AOPEP: variants seen among roughly 807,000 people sequenced by gnomAD.
AOPEP encodes the protein aminopeptidase O.
Under a neutral mutation model 98.1 loss-of-function variants are expected in AOPEP, and 77 were observed. The ratio of observed to expected loss-of-function variants is 0.78; its 90% CI spans 0.65 to 0.95. AOPEP has a LOEUF of 0.95. Among genes scored for constraint, AOPEP ranks in the 40% least tolerant of loss-of-function variants. The pLI, the probability that AOPEP is intolerant of heterozygous loss-of-function variation, is 0.00. For missense variants in AOPEP, 1,024 were observed against 1,024.7 expected (o/e 1.00, Z 0.01); for synonymous variants, 346 against 365.3 (o/e 0.95, Z 0.60).
the AOPEP span, among the ~76,000 whole-genome samples, chr9:95,121,598 G>T: frequency 6.6e-6 from 1 of 152,190 alleles, no homozygotes; most frequent in Non-Finnish European, 1.5e-5. Context: ...GTGCCTACCA[G>T]CAGGAGGATG....
chr9:94,771,040 C>A (rs1048291874), intron 2 of AOPEP, among the ~76,000 whole-genome samples: 3 of 152,148 alleles, frequency 2.0e-5, no homozygotes, highest in African/African-American at 7.2e-5. Context: ...CATCTCAAAT[C>A]CGATTGTTTC....
At chr9:94,953,373 CTTTCCTTTAGGT>C (rs2058243063) in intron 7 of AOPEP, among the ~76,000 whole-genome samples, 1 of 152,178 alleles carries the variant, frequency 6.6e-6, no homozygotes, top group East Asian at 1.9e-4. Flanking sequence ...TCATCATCAT[CTTTCCTTTAGGT>C]ATCTGCTGAT....
chr9:94,922,058 G>C (rs1397880992), intron 5 of AOPEP, among the ~76,000 whole-genome samples: 2 of 152,148 alleles, frequency 1.3e-5, no homozygotes, highest in Non-Finnish European at 2.9e-5. Flanking sequence ...GGGAAGTGTG[G>C]TGCAGACAAC....
At chr9:94,946,839 C>CT (rs1362060778) in intron 7 of AOPEP, among the ~76,000 whole-genome samples, 1 of 152,124 alleles carries the variant, frequency 6.6e-6, no homozygotes, top group Non-Finnish European at 1.5e-5. Flanking sequence ...ACACAGCCTG[C>CT]TTTGAGGCGC....
chr9:95,110,953 A>T, the AOPEP span: 3 of 1,383,770 alleles, frequency 2.2e-6, no homozygotes, highest in Non-Finnish European at 2.8e-6. Context: ...AGTGGTTAAT[A>T]TCATCTGATT....
chr9:95,063,152 AGC>A (rs2067480163), intron 14 of AOPEP, among the ~76,000 whole-genome samples: 1 of 152,258 alleles, frequency 6.6e-6, no homozygotes. Flanking sequence ...GTTCCACAGA[AGC>A]ACCTTGTCTT....
At chr9:95,148,688 A>G in the AOPEP span, among the ~76,000 whole-genome samples, 1 of 152,252 alleles carries the variant, frequency 6.6e-6, no homozygotes, top group Non-Finnish European at 1.5e-5. Context: ...AAGATTTTCC[A>G]AATGAACCAT....
At chr9:94,864,843 C>A (rs1265427218) in intron 5 of AOPEP, among the ~76,000 whole-genome samples, 1 of 152,108 alleles carries the variant, frequency 6.6e-6, no homozygotes, top group Non-Finnish European at 1.5e-5. Flanking sequence ...TCTGTCTTTG[C>A]AGGAGAGATT....
At chr9:94,906,950 C>T (rs139055827) in intron 5 of AOPEP, among the ~76,000 whole-genome samples, 17 of 152,292 alleles carry the variant, frequency 1.1e-4, no homozygotes, top group African/African-American at 3.9e-4. Context: ...CTGTTCCCCC[C>T]ATGTGTACAT....
At chr9:94,963,039 C>T (rs1431674309) in intron 9 of AOPEP, among the ~76,000 whole-genome samples, 1 of 152,174 alleles carries the variant, frequency 6.6e-6, no homozygotes, top group African/African-American at 2.4e-5. Flanking sequence ...CCACCGCATC[C>T]AGCCAATATT....
the AOPEP span, among the ~76,000 whole-genome samples, chr9:95,112,744 C>A: frequency 6.6e-6 from 1 of 152,210 alleles, no homozygotes; most frequent in Admixed American, 6.5e-5. Flanking sequence ...TGGTCCTTCC[C>A]TCTGTCTTCC....
chr9:95,099,022 G>GAGA, the AOPEP span: 1 of 178,898 alleles, frequency 5.6e-6, no homozygotes, highest in Admixed American at 6.3e-5. Flanking sequence ...TTTTTCCTGA[G>GAGA]AGAAGGATTG....
At chr9:94,939,866 C>T (rs921591688) in intron 7 of AOPEP, among the ~76,000 whole-genome samples, 4 of 152,228 alleles carry the variant, frequency 2.6e-5, no homozygotes, top group South Asian at 2.1e-4. Flanking sequence ...GGTTCTACAT[C>T]CCTGGAGTAC....
At chr9:95,006,586 A>T (rs1211713914) in intron 13 of AOPEP, among the ~76,000 whole-genome samples, 1 of 152,210 alleles carries the variant, frequency 6.6e-6, no homozygotes, top group Non-Finnish European at 1.5e-5. Flanking sequence ...AGAGAGCTGG[A>T]AAAGGAACCA....
At chr9:94,932,669 A>T (rs1196451716) in intron 7 of AOPEP, 1 of 286,186 alleles carries the variant, frequency 3.5e-6, no homozygotes, top group Admixed American at 6.5e-5. Context: ...TTTTTAGTAG[A>T]GACAGGGTTT....
intron 4 of AOPEP, among the ~76,000 whole-genome samples, chr9:94,798,039 CCAG>C (rs1480159681): frequency 4.6e-5 from 7 of 152,232 alleles, no homozygotes; most frequent in Admixed American, 4.6e-4. Context: ...CTTACCTCCT[CCAG>C]CAGCCACTTT....
At chr9:94,787,095 T>C (rs760986715) in intron 3 of AOPEP, among the ~76,000 whole-genome samples, 3 of 152,260 alleles carry the variant, frequency 2.0e-5, no homozygotes, top group Non-Finnish European at 2.9e-5. Flanking sequence ...ATTTCCATTA[T>C]TGAACTTCAG....
At chr9:94,976,694 G>T (rs2059867346) in intron 10 of AOPEP, among the ~76,000 whole-genome samples, 7 of 150,586 alleles carry the variant, frequency 4.6e-5, no homozygotes. Flanking sequence ...TTGAGACAGG[G>T]TCTCACTTTG....
intron 1 of AOPEP, among the ~76,000 whole-genome samples, chr9:94,739,765 A>T (rs1440447998): frequency 1.3e-5 from 2 of 152,166 alleles, no homozygotes. Context: ...TACGCTAGGC[A>T]TGAAGTTCAC....
Sources: gnomAD v4.1 joint callset for allele counts (sites outside exome capture counted in the v4.1 genomes callset) on GRCh38, gnomAD v4.1.1 for gene constraint, MANE v1.5 for transcripts, NCBI Gene and HGNC (gene_info 2026-07-23, HGNC 2026-07-21) for gene names.